Variants in SORCS3 observed in about 807,000 individuals in gnomAD.
SORCS3 encodes VPS10 domain-containing receptor SorCS3.
Under a neutral mutation model 146.3 loss-of-function variants are expected in SORCS3, and 57 were observed. The observed-to-expected ratio is 0.39, with a 90% CI of 0.31 to 0.49. The LOEUF (loss-of-function observed/expected upper bound fraction) is 0.49, where lower values mean the gene tolerates loss of function less well. SORCS3 is among the 20% of genes least tolerant of loss of function. The pLI is 0.92. For missense variants in SORCS3, 1,341 were observed against 1,575.5 expected (o/e 0.85, Z 2.52); for synonymous variants, 653 against 618.5 (o/e 1.06, Z -0.83).
chr10:105,169,093 C>T (rs2056338613), intron 13 of SORCS3, among the ~76,000 whole-genome samples: 1 of 152,108 alleles, frequency 6.6e-6, no homozygotes, highest in South Asian at 2.1e-4. Flanking sequence ...GCTTGCCCAA[C>T]CTATGTATGT....
rs75893504 is a variant in SORCS3, at chr10:105,136,092, A to C, written c.1213-3305A>C. On this transcript the variant is annotated intron_variant, in intron 7 of 26. Transcript: ENST00000369701. ...CATATTTTTAGGTATTTGTTATAGCAATACCAATACCAATTCAGTACCAAT... is the reference window on the plus strand; with the variant it reads ...CATATTTTTAGGTATTTGTTATAGCCATACCAATACCAATTCAGTACCAAT... 1.8e-4 allele frequency among the ~76,000 whole-genome samples: 27 copies of C among 152,304 alleles called. 1 individual carries two copies. The highest frequency in any genetic ancestry group is 3.4e-3 in the Middle Eastern group (1 of 294).
chr10:105,071,270 C>T lies in SORCS3; in HGVS notation c.1029-18505C>T, dbSNP rs568775487. On this transcript the variant is annotated intron_variant, in intron 5 of 26. Transcript: ENST00000369701. Reference sequence around the variant, plus strand: ...TAAAATGAATGAAAGGCTGTCACTACTCTCATGTGATGGAACAGCTATTAG... The same window carrying T: ...TAAAATGAATGAAAGGCTGTCACTATTCTCATGTGATGGAACAGCTATTAG... Among the ~76,000 whole-genome samples, 7 of 152,344 alleles carry T rather than the reference C, an allele frequency of 4.6e-5. No homozygotes were observed. The South Asian group carries it at 1.5e-3, about 32-fold the overall frequency.
intron 1 of SORCS3, among the ~76,000 whole-genome samples, chr10:104,778,485 C>A (rs567230391): frequency 2.0e-5 from 3 of 152,300 alleles, no homozygotes; most frequent in Non-Finnish European, 4.4e-5. Context: ...ATTCTTCCAG[C>A]CTGCATTGTC....
chr10:104,712,625 A>G (rs1819650010), intron 1 of SORCS3, among the ~76,000 whole-genome samples: 1 of 152,186 alleles, frequency 6.6e-6, no homozygotes, highest in African/African-American at 2.4e-5. Context: ...AAGGGCCAGT[A>G]TGTCTAGGGA....
intron 3 of SORCS3, among the ~76,000 whole-genome samples, chr10:104,975,820 C>T (rs2054893431): frequency 6.6e-6 from 1 of 152,198 alleles, no homozygotes; most frequent in Admixed American, 6.5e-5. Context: ...AAAGGATTCC[C>T]TATTTAATAA....
At chr10:104,756,273 A>G (rs897215960) in intron 1 of SORCS3, among the ~76,000 whole-genome samples, 1 of 152,226 alleles carries the variant, frequency 6.6e-6, no homozygotes, top group African/African-American at 2.4e-5. Flanking sequence ...GGGGGCATAT[A>G]AAAAGTGCAT....
At chr10:104,767,649 A>C (rs1402964444) in intron 1 of SORCS3, among the ~76,000 whole-genome samples, 108 of 55,930 alleles carry the variant, frequency 1.9e-3, no homozygotes, top group Admixed American at 2.7e-3. Flanking sequence ...TCCCACTTCC[A>C]CTCCCCGTTC....
intron 4 of SORCS3, among the ~76,000 whole-genome samples, chr10:105,040,575 C>G (rs538961134): frequency 2.0e-5 from 3 of 152,086 alleles, no homozygotes; most frequent in Non-Finnish European, 4.4e-5. Context: ...CCCAATTTTC[C>G]CTTTGACATG....
chr10:105,111,065 G>T (rs2055856007), intron 7 of SORCS3, among the ~76,000 whole-genome samples: 4 of 152,092 alleles, frequency 2.6e-5, no homozygotes, highest in Admixed American at 2.6e-4. Flanking sequence ...ACCCACCACT[G>T]CTCTTCACAT....
intron 3 of SORCS3, among the ~76,000 whole-genome samples, chr10:104,931,486 G>A (rs555973225): frequency 2.6e-5 from 4 of 152,294 alleles, no homozygotes; most frequent in South Asian, 4.1e-4. Context: ...TCTTAAATAA[G>A]ACCTTTAAGG....
chr10:104,995,705 G>A (rs545289832), intron 4 of SORCS3, among the ~76,000 whole-genome samples: 100 of 152,202 alleles, frequency 6.6e-4, no homozygotes, highest in Admixed American at 1.5e-3. Context: ...CCATGTCATA[G>A]CTTATCTTTT....
chr10:105,056,783 T>C (rs1304773413), intron 5 of SORCS3, among the ~76,000 whole-genome samples: 2 of 152,210 alleles, frequency 1.3e-5, no homozygotes, highest in African/African-American at 2.4e-5. Context: ...TTTTGTTTAA[T>C]TGAAAACAGC....
chr10:104,924,678 T>G (rs2019121414), intron 3 of SORCS3, among the ~76,000 whole-genome samples: 1 of 152,192 alleles, frequency 6.6e-6, no homozygotes, highest in South Asian at 2.1e-4. Flanking sequence ...GTTTTAAGCC[T>G]TTCTGTTAAC....
At chr10:105,141,935 A>C (rs1437469572) in intron 8 of SORCS3, among the ~76,000 whole-genome samples, 1 of 152,196 alleles carries the variant, frequency 6.6e-6, no homozygotes, top group East Asian at 1.9e-4. Context: ...GTGAGGATTT[A>C]ATGAATGGCT....
intron 2 of SORCS3, among the ~76,000 whole-genome samples, chr10:104,869,368 G>A (rs951700007): frequency 6.6e-6 from 1 of 152,140 alleles, no homozygotes; most frequent in Non-Finnish European, 1.5e-5. Context: ...CAGGAAGAGA[G>A]ACAGAATTCA....
chr10:105,086,006 C>G (rs180833612), intron 5 of SORCS3, among the ~76,000 whole-genome samples: 2 of 151,262 alleles, frequency 1.3e-5, no homozygotes, highest in Admixed American at 1.3e-4. Flanking sequence ...TTTTTTTTCT[C>G]TCTGTATATG....
At chr10:105,114,301 A>G (rs1378413608) in intron 7 of SORCS3, among the ~76,000 whole-genome samples, 2 of 152,016 alleles carry the variant, frequency 1.3e-5, no homozygotes, top group East Asian at 1.9e-4. Flanking sequence ...ACACAAGAGG[A>G]AAAAAAAGTC....
At chr10:105,184,604 T>C (rs1026294831) in intron 14 of SORCS3, among the ~76,000 whole-genome samples, 42 of 152,244 alleles carry the variant, frequency 2.8e-4, no homozygotes, top group African/African-American at 1.0e-3. Context: ...AAAATATACT[T>C]TTTATGAAAT....
intron 20 of SORCS3, among the ~76,000 whole-genome samples, chr10:105,234,168 T>C (rs1256937389): frequency 6.6e-6 from 1 of 152,130 alleles, no homozygotes; most frequent in Non-Finnish European, 1.5e-5. Flanking sequence ...TTGGTGGTGT[T>C]TTTTTCCCTC....
Sources: gnomAD v4.1 joint callset for allele counts (sites outside exome capture counted in the v4.1 genomes callset) on GRCh38, gnomAD v4.1.1 for gene constraint, MANE v1.5 for transcripts, NCBI Gene and HGNC (gene_info 2026-07-23, HGNC 2026-07-21) for gene names.